CSMD1: variants seen among roughly 807,000 people sequenced by gnomAD.
The protein encoded by CSMD1 is CUB and sushi domain-containing protein 1.
In CSMD1, 213 loss-of-function variants were observed where a neutral mutation model predicts 417.5. The ratio of observed to expected loss-of-function variants is 0.51; its 90% CI spans 0.46 to 0.57. CSMD1 has a LOEUF of 0.57. Among genes scored for constraint, CSMD1 ranks in the 20% least tolerant of loss-of-function variants. The probability of loss-of-function intolerance (pLI) is 0.00; values close to 1 mark genes in which losing one functional copy is unlikely to be tolerated. For synonymous variants in CSMD1, 2,862 were observed against 1,736.8 expected, an observed-to-expected ratio of 1.65 and a Z score of -16.11; for missense variants, 6,923 against 4,529.7, an observed-to-expected ratio of 1.53 and a Z score of -15.17.
chr8:3,648,604 T>C (rs1797693333), intron 7 of CSMD1, among the ~76,000 whole-genome samples: 1 of 152,192 alleles, frequency 6.6e-6, no homozygotes, highest in Non-Finnish European at 1.5e-5. Context: ...ACAGATTTAA[T>C]GACTTTCCCA....
At chr8:4,611,279 C>A (rs559116077) in intron 2 of CSMD1, among the ~76,000 whole-genome samples, 20 of 152,136 alleles carry the variant, frequency 1.3e-4, no homozygotes, top group Non-Finnish European at 2.6e-4. Flanking sequence ...GTTGTGAAAA[C>A]CTTTTCATAC....
chr8:4,038,138 T>C (rs540258129), intron 3 of CSMD1, among the ~76,000 whole-genome samples: 13 of 152,276 alleles, frequency 8.5e-5, no homozygotes, highest in South Asian at 6.2e-4. Flanking sequence ...AAGTCACTGA[T>C]TGGTGACACA....
At chr8:4,674,689 A>C (rs950664767) in intron 1 of CSMD1, among the ~76,000 whole-genome samples, 24 of 152,204 alleles carry the variant, frequency 1.6e-4, no homozygotes, top group Admixed American at 1.0e-3. Flanking sequence ...ACAAACCCTA[A>C]TATATGGAAT....
At chr8:4,742,303 T>A (rs529027320) in intron 1 of CSMD1, among the ~76,000 whole-genome samples, 7 of 151,822 alleles carry the variant, frequency 4.6e-5, no homozygotes, top group Non-Finnish European at 1.0e-4. Flanking sequence ...GTGCTGAGAT[T>A]ATAGGCATGA....
chr8:4,986,978 T>C (rs1291973842), intron 1 of CSMD1, among the ~76,000 whole-genome samples: 1 of 152,162 alleles, frequency 6.6e-6, no homozygotes, highest in Non-Finnish European at 1.5e-5. Context: ...AATACATAGA[T>C]AATGTTTATA....
chr8:3,090,352 A>G (rs1024677354), intron 48 of CSMD1, among the ~76,000 whole-genome samples: 13 of 145,600 alleles, frequency 8.9e-5, no homozygotes, highest in Non-Finnish European at 1.3e-4. Context: ...GAGTCTGACT[A>G]TCTATTTTTT....
At chr8:4,291,570 T>C (rs1216945638) in intron 3 of CSMD1, among the ~76,000 whole-genome samples, 2 of 152,208 alleles carry the variant, frequency 1.3e-5, no homozygotes, top group African/African-American at 4.8e-5. Flanking sequence ...GAAATTTTAT[T>C]AAAGCTGAAG....
intron 2 of CSMD1, among the ~76,000 whole-genome samples, chr8:4,509,644 A>T (rs148650382): frequency 1.7e-3 from 260 of 152,260 alleles, no homozygotes; most frequent in South Asian, 4.8e-3. Context: ...GTTCTTTGTG[A>T]GGAGGAACAG....
intron 33 of CSMD1, among the ~76,000 whole-genome samples, chr8:3,195,945 G>A (rs1796680570): frequency 1.3e-5 from 2 of 152,176 alleles, no homozygotes; most frequent in South Asian, 4.1e-4. Flanking sequence ...AATAGGGGCT[G>A]TATAAAATGA....
intron 47 of CSMD1, among the ~76,000 whole-genome samples, chr8:3,093,302 G>A (rs1273043279): frequency 6.6e-6 from 1 of 152,148 alleles, no homozygotes; most frequent in Non-Finnish European, 1.5e-5. Context: ...TGGGAGGGAG[G>A]CTTGGAGGAG....
intron 3 of CSMD1, among the ~76,000 whole-genome samples, chr8:4,132,354 T>G (rs979822061): frequency 5.3e-5 from 8 of 152,176 alleles, no homozygotes; most frequent in Admixed American, 6.6e-5. Flanking sequence ...TTTCTGTATT[T>G]CTTGTAGAAT....
intron 12 of CSMD1, among the ~76,000 whole-genome samples, chr8:3,416,214 A>G (rs1563366711): frequency 6.7e-6 from 1 of 148,918 alleles, no homozygotes; most frequent in African/African-American, 2.5e-5. Flanking sequence ...AGGCAGGAGA[A>G]TGGTGTGAAC....
intron 6 of CSMD1, among the ~76,000 whole-genome samples, chr8:3,724,741 T>C (rs1802388736): frequency 6.6e-6 from 1 of 152,184 alleles, no homozygotes; most frequent in African/African-American, 2.4e-5. Context: ...TGAAAATTAG[T>C]ATTTTCTTCT....
intron 3 of CSMD1, among the ~76,000 whole-genome samples, chr8:4,359,396 A>G (rs941126261): frequency 1.3e-5 from 2 of 152,224 alleles, no homozygotes; most frequent in African/African-American, 4.8e-5. Flanking sequence ...ACTCACAATA[A>G]CATATTAACT....
At chr8:4,062,734 C>G (rs200346224) in intron 3 of CSMD1, among the ~76,000 whole-genome samples, 1 of 131,536 alleles carries the variant, frequency 7.6e-6, no homozygotes, top group Admixed American at 7.7e-5. Flanking sequence ...TTATCAAATT[C>G]AAAAAAAAAA....
intron 5 of CSMD1, among the ~76,000 whole-genome samples, chr8:3,883,073 T>C: frequency 6.6e-6 from 1 of 152,192 alleles, no homozygotes; most frequent in Non-Finnish European, 1.5e-5. Context: ...TAAATGTGTC[T>C]TGACTATTTA....
At chr8:2,944,425 G>C (rs1045938650) in intron 68 of CSMD1, among the ~76,000 whole-genome samples, 3 of 152,148 alleles carry the variant, frequency 2.0e-5, no homozygotes, top group Non-Finnish European at 4.4e-5. Flanking sequence ...GTCCAACAGA[G>C]AGCAGTGGTG....
chr8:4,211,945 C>G (rs1447630784), intron 3 of CSMD1, among the ~76,000 whole-genome samples: 1 of 152,150 alleles, frequency 6.6e-6, no homozygotes, highest in Non-Finnish European at 1.5e-5. Flanking sequence ...ATAAAGTCAA[C>G]TGTATTCCTA....
At chr8:2,962,984 G>C (rs1021198755) in intron 60 of CSMD1, among the ~76,000 whole-genome samples, 9 of 152,148 alleles carry the variant, frequency 5.9e-5, no homozygotes, top group African/African-American at 1.4e-4. Flanking sequence ...AGAGATTGAG[G>C]CTGCAGGGAG....
Sources: gnomAD v4.1 joint callset for allele counts (sites outside exome capture counted in the v4.1 genomes callset) on GRCh38, gnomAD v4.1.1 for gene constraint, MANE v1.5 for transcripts, NCBI Gene and HGNC (gene_info 2026-07-23, HGNC 2026-07-21) for gene names.